Variants in ANO10 observed in about 807,000 individuals in gnomAD.
The protein encoded by ANO10 is anoctamin-10.
In ANO10, 77 loss-of-function variants were observed where a neutral mutation model predicts 74.7. The observed-to-expected ratio is 1.03, with a 90% CI of 0.86 to 1.25. ANO10 has a LOEUF of 1.25. Ranked by LOEUF, ANO10 falls within the 50% of genes most tolerant of loss-of-function variation. The probability of loss-of-function intolerance (pLI) is 0.00; values close to 1 mark genes in which losing one functional copy is unlikely to be tolerated. For synonymous variants in ANO10, 279 were observed against 284.9 expected, an observed-to-expected ratio of 0.98 and a Z score of 0.21; for missense variants, 721 against 778.1, an observed-to-expected ratio of 0.93 and a Z score of 0.87.
At chr3:43,371,975 A>G (rs1404760445) in intron 12 of ANO10, among the ~76,000 whole-genome samples, 12 of 152,244 alleles carry the variant, frequency 7.9e-5, no homozygotes, top group Non-Finnish European at 1.6e-4. Context: ...AACAGCCACG[A>G]CAGCAGTGAG....
chr3:43,389,516 A>G (rs146748949), intron 12 of ANO10, among the ~76,000 whole-genome samples: 17 of 152,330 alleles, frequency 1.1e-4, no homozygotes, highest in Non-Finnish European at 1.9e-4. Flanking sequence ...AAGCAAACCA[A>G]TATTTCCGTA....
intron 12 of ANO10, among the ~76,000 whole-genome samples, chr3:43,385,846 C>T (rs1308915550): frequency 2.6e-5 from 4 of 152,074 alleles, no homozygotes; most frequent in Admixed American, 2.6e-4. Flanking sequence ...ACTAAAATCT[C>T]AGTAATTACC....
Position 43,547,853 on chromosome 3 carries a change from C to T in ANO10, c.1797+1867G>A, listed in dbSNP as rs1466865950. On this transcript the variant is annotated intron_variant, in intron 11 of 12. Coordinates refer to ENST00000292246, the MANE Select transcript of ANO10 (RefSeq NM_018075.5). ...AATCAATGGTAATATATTGAGCCAG[C>T]CAGGAATCTAGAGAAAGTGAGGGCA... 4.5e-4 allele frequency among the ~76,000 whole-genome samples: 68 copies of T among 152,122 alleles called. 1 individual carries two copies. Among genetic ancestry groups the T allele is most frequent in the Admixed American group, 4.5e-3 (68 of 15,278 alleles).
chr3:43,583,719 C>A (rs1020702698), intron 4 of ANO10, among the ~76,000 whole-genome samples: 2 of 152,216 alleles, frequency 1.3e-5, no homozygotes, highest in African/African-American at 4.8e-5. Context: ...AGCCTTTGCA[C>A]GATGAAGACA....
upstream of ANO10, among the ~76,000 whole-genome samples, chr3:43,625,415 A>G (rs958625277): frequency 1.3e-5 from 2 of 152,212 alleles, no homozygotes; most frequent in African/African-American, 4.8e-5. Flanking sequence ...CCCTGCCATC[A>G]TGATCCACCT....
intron 12 of ANO10, among the ~76,000 whole-genome samples, chr3:43,430,324 T>A (rs1335278663): frequency 6.6e-6 from 1 of 151,906 alleles, no homozygotes; most frequent in Non-Finnish European, 1.5e-5. Context: ...TTTTTTTTTT[T>A]AATGATTTTT....
intron 11 of ANO10, among the ~76,000 whole-genome samples, chr3:43,512,702 A>G (rs952202056): frequency 3.3e-5 from 5 of 152,118 alleles, no homozygotes; most frequent in African/African-American, 1.2e-4. Context: ...AAAAAATGTT[A>G]TTTTCATTCT....
chr3:43,402,306 C>T (rs766193653), intron 12 of ANO10, among the ~76,000 whole-genome samples: 12 of 152,218 alleles, frequency 7.9e-5, no homozygotes, highest in Non-Finnish European at 1.8e-4. Context: ...GCTCGCTCCA[C>T]ATCACAGCCC....
intron 12 of ANO10, among the ~76,000 whole-genome samples, chr3:43,396,276 T>A (rs563679362): frequency 6.6e-6 from 1 of 152,140 alleles, no homozygotes; most frequent in African/African-American, 2.4e-5. Flanking sequence ...CTGGATGATG[T>A]CCCATAGTTC....
rs1054574573 is a variant in ANO10 at position 43,392,701 on chromosome 3, T to A, written c.1915-25727A>T. ...ACACACTAGTTTCTCTTATTAAACCTACAAACAAAGCCCTCTTCTCCACTC... is the reference window on the plus strand; with the variant it reads ...ACACACTAGTTTCTCTTATTAAACCAACAAACAAAGCCCTCTTCTCCACTC... On this transcript the variant is annotated intron_variant, in intron 12 of 12. Coordinates refer to ENST00000292246, the MANE Select transcript of ANO10 (RefSeq NM_018075.5). Among the ~76,000 whole-genome samples the A allele has an allele frequency of 2.6e-5, 4 of 152,346 alleles. No homozygotes were observed. In the East Asian group the frequency reaches 7.7e-4, roughly 29 times the overall value.
At chr3:43,367,522 T>TA (rs1243601473) in intron 12 of ANO10, among the ~76,000 whole-genome samples, 1 of 152,116 alleles carries the variant, frequency 6.6e-6, no homozygotes, top group East Asian at 1.9e-4. Flanking sequence ...CCACAGGACT[T>TA]ACACTCACCC....
chr3:43,530,920 A>G (rs2078439410), intron 11 of ANO10, among the ~76,000 whole-genome samples: 1 of 152,072 alleles, frequency 6.6e-6, no homozygotes, highest in Admixed American at 6.5e-5. Flanking sequence ...AAAACATTAC[A>G]CTGATAAGAG....
At chr3:43,435,360 T>C (rs1252510764) in intron 11 of ANO10, among the ~76,000 whole-genome samples, 4 of 152,056 alleles carry the variant, frequency 2.6e-5, no homozygotes, top group Non-Finnish European at 5.9e-5. Flanking sequence ...AATACAAAAA[T>C]TAGCCAGGCA....
At chr3:43,582,843 C>T (rs1184339623) in intron 4 of ANO10, among the ~76,000 whole-genome samples, 1 of 152,102 alleles carries the variant, frequency 6.6e-6, no homozygotes, top group Non-Finnish European at 1.5e-5. Context: ...TTAATTCTAA[C>T]ATGGTTCAGT....
intron 11 of ANO10, among the ~76,000 whole-genome samples, chr3:43,483,749 C>T (rs1259080280): frequency 1.3e-5 from 2 of 152,046 alleles, no homozygotes; most frequent in Non-Finnish European, 1.5e-5. Context: ...CAAGCAAAAA[C>T]GTAAATCAAT....
At chr3:43,514,352 T>C (rs1559635599) in intron 11 of ANO10, among the ~76,000 whole-genome samples, 1 of 152,174 alleles carries the variant, frequency 6.6e-6, no homozygotes, top group East Asian at 1.9e-4. Context: ...GACTTAGTAT[T>C]AGATAAAGTA....
intron 1 of ANO10, among the ~76,000 whole-genome samples, chr3:43,675,436 G>A (rs549429337): frequency 6.6e-6 from 1 of 152,230 alleles, no homozygotes; most frequent in South Asian, 2.1e-4. Context: ...GCCATATGAA[G>A]AGGATGAAAA....
At chr3:43,530,387 GTT>G (rs1291533804) in intron 11 of ANO10, among the ~76,000 whole-genome samples, 1 of 149,640 alleles carries the variant, frequency 6.7e-6, no homozygotes, top group Non-Finnish European at 1.5e-5. Context: ...CAGGATAGAG[GTT>G]ATATAGGTTA....
intron 1 of ANO10, among the ~76,000 whole-genome samples, chr3:43,684,503 C>G (rs1460276630): frequency 6.6e-6 from 1 of 152,168 alleles, no homozygotes; most frequent in East Asian, 1.9e-4. Flanking sequence ...CTCGTTCAAC[C>G]ATTGTGGAAG....
Sources: gnomAD v4.1 joint callset for allele counts (sites outside exome capture counted in the v4.1 genomes callset) on GRCh38, gnomAD v4.1.1 for gene constraint, MANE v1.5 for transcripts, NCBI Gene and HGNC (gene_info 2026-07-23, HGNC 2026-07-21) for gene names.